Variants in TJP2 observed in about 807,000 individuals in gnomAD.
TJP2 encodes the protein Friedreich ataxia region gene X104 (tight junction protein ZO-2).
In TJP2, 91 loss-of-function variants were observed where a neutral mutation model predicts 133.1. The observed-to-expected ratio is 0.68, with a 90% CI of 0.58 to 0.81. The LOEUF is 0.81. Among genes scored for constraint, TJP2 ranks in the 40% least tolerant of loss-of-function variants. The probability of loss-of-function intolerance (pLI) is 0.00; values close to 1 mark genes in which losing one functional copy is unlikely to be tolerated. For missense variants in TJP2, 1,541 were observed against 1,565.6 expected, an observed-to-expected ratio of 0.98 and a Z score of 0.26; for synonymous variants, 592 against 583.4, an observed-to-expected ratio of 1.01 and a Z score of -0.21.
In TJP2 at chr9:69,212,585, CTG is replaced by C; in HGVS notation, c.101_102del (p.Val34AspfsTer24). 6.2e-7 allele frequency: 1 copy of C among 1,613,046 alleles called. No homozygotes were observed. The highest frequency in any genetic ancestry group is 8.5e-7 in the Non-Finnish European group (1 of 1,179,104). ...GAAGAGCTGATATGGGAACAGTACA[CTG>C]TGACCCTACAAAAGGTGAGTTCTGC... On this transcript the variant is annotated frameshift_variant, in exon 2 of 23. Transcript: ENST00000377245. LOFTEE classifies it high-confidence loss of function.
At chr9:69,174,804 A>C (rs1288370670) in intron 1 of TJP2, among the ~76,000 whole-genome samples, 1 of 152,074 alleles carries the variant, frequency 6.6e-6, no homozygotes, top group Non-Finnish European at 1.5e-5. Flanking sequence ...CTCGGTATTG[A>C]TGCAAAGTTA....
chr9:69,162,703 T>C (rs995584719), intron 2 of TJP2, among the ~76,000 whole-genome samples: 1 of 152,220 alleles, frequency 6.6e-6, no homozygotes, highest in African/African-American at 2.4e-5. Flanking sequence ...ATTTGGTGTA[T>C]CCCAAGTGTA....
intron 2 of TJP2, among the ~76,000 whole-genome samples, chr9:69,215,581 T>C (rs974778040): frequency 1.3e-5 from 2 of 152,154 alleles, no homozygotes; most frequent in Non-Finnish European, 2.9e-5. Flanking sequence ...AGACAGGGTT[T>C]TGCCATGTTG....
At chr9:69,245,011 G>T (rs1018560119) in intron 17 of TJP2, among the ~76,000 whole-genome samples, 1 of 152,114 alleles carries the variant, frequency 6.6e-6, no homozygotes, top group Non-Finnish European at 1.5e-5. Context: ...TATATATTTA[G>T]TGTAAATCAC....
At chr9:69,226,652 C>T (rs1408498858) in intron 7 of TJP2, among the ~76,000 whole-genome samples, 2 of 152,138 alleles carry the variant, frequency 1.3e-5, no homozygotes, top group African/African-American at 4.8e-5. Flanking sequence ...GCGCCTGCCA[C>T]CACACCTGGC....
intron 12 of TJP2, among the ~76,000 whole-genome samples, chr9:69,235,593 A>G (rs527773216): frequency 3.8e-4 from 58 of 152,178 alleles, no homozygotes; most frequent in African/African-American, 1.2e-3. Context: ...AAGTGCTGGG[A>G]TTATAGGCAT....
chr9:69,134,708 G>A (rs552603096), intron 1 of TJP2, among the ~76,000 whole-genome samples: 3 of 152,326 alleles, frequency 2.0e-5, no homozygotes, highest in Non-Finnish European at 2.9e-5. Context: ...CTGGGCCTAC[G>A]ACCTGTGTCT....
upstream of TJP2, among the ~76,000 whole-genome samples, chr9:69,173,656 G>T (rs1051897469): frequency 6.6e-6 from 1 of 152,216 alleles, no homozygotes; most frequent in Non-Finnish European, 1.5e-5. Context: ...GTACAAGGCC[G>T]TGTATGTGTT....
chr9:69,225,374 T>C lies in TJP2; in HGVS notation c.1023T>C (p.Asp341=). The change falls in exon 6 of 23, where the codon GAT becomes GAC. Residue 341 remains aspartate (D), a synonymous_variant. Transcript: ENST00000377245. ...EMTRTGLATK[D]GNLHEGDIIL... is the part of the protein sequence containing the mutation. ...CCCGAACGGGTCTGGCAACTAAAGA[T>C]GGCAACCTTCACGAAGGAGACATAA... 1.2e-6 allele frequency: 2 copies of C among 1,613,890 alleles called. No homozygotes were observed. Among genetic ancestry groups the C allele is most frequent in the South Asian group, 2.2e-5 (2 of 91,042 alleles).
chr9:69,235,001 G>A (rs375546918), intron 12 of TJP2, among the ~76,000 whole-genome samples: 34 of 152,186 alleles, frequency 2.2e-4, no homozygotes, highest in African/African-American at 6.5e-4. Context: ...ATTGGCAACT[G>A]TGTTAATGTT....
At chr9:69,195,632 C>T (rs969736300) in intron 1 of TJP2, among the ~76,000 whole-genome samples, 15 of 152,138 alleles carry the variant, frequency 9.9e-5, no homozygotes, top group Non-Finnish European at 1.5e-4. Flanking sequence ...ATACTTAGCA[C>T]GGTGTCTGGC....
chr9:69,135,192 C>T (rs749028376), intron 1 of TJP2, among the ~76,000 whole-genome samples: 13 of 152,086 alleles, frequency 8.5e-5, no homozygotes, highest in East Asian at 1.9e-4. Flanking sequence ...AGGCCAATAA[C>T]GATTTGCTGA....
intron 1 of TJP2, among the ~76,000 whole-genome samples, chr9:69,123,050 C>A (rs957346170): frequency 6.6e-6 from 1 of 152,174 alleles, no homozygotes; most frequent in African/African-American, 2.4e-5. Flanking sequence ...CCACCCAGAT[C>A]TGCTGAATCA....
rs139402211 is a variant in TJP2 at position 69,221,248 on chromosome 9, G to T, written c.704G>T (p.Arg235Leu). ...CACGACTTTGGGCCATCCCGGGACC[G>T]GGACCGTGACCGCAGCCGCGGCCGG... is the stretch of plus-strand genomic sequence containing the variant. ...LDHDFGPSRD[R>L]DRDRSRGRSI... The change falls in exon 5 of 23, where the codon CGG becomes CTG. Residue 235 changes from arginine (R) to leucine (L), a missense_variant. Physicochemically the swap from Arg to Leu is moderately radical, Grantham distance 102. Coordinates refer to ENST00000377245, the MANE Select transcript of TJP2 (RefSeq NM_004817.4). 1.2e-5 allele frequency: 20 copies of T among 1,607,836 alleles called. No homozygotes were observed. The highest frequency in any genetic ancestry group is 1.7e-5 in the Non-Finnish European group (20 of 1,177,640).
At chr9:69,151,824 T>G in intron 2 of TJP2, 1 of 1,231,732 alleles carries the variant, frequency 8.1e-7, no homozygotes, top group African/African-American at 1.6e-5. Context: ...CCCCCAAAAT[T>G]TGTTCGAATA....
At chr9:69,228,583 T>C (rs1349750665) in intron 9 of TJP2, among the ~76,000 whole-genome samples, 1 of 152,204 alleles carries the variant, frequency 6.6e-6, no homozygotes. Context: ...TGTGTATATA[T>C]GTATACAGAT....
At position 69,221,346 on chromosome 9, in the gene TJP2, G is replaced by T. The variant is rs756641353; in HGVS notation, c.802G>T (p.Glu268Ter). 2 of 1,588,690 alleles carry T rather than the reference G, an allele frequency of 1.3e-6. No individual in the cohort carries two copies. The highest frequency in any genetic ancestry group is 2.3e-5 in the South Asian group (2 of 88,146). ...DPDYERAYSP[E>*]YRRGARHDAR... ...AGACTACGAGCGGGCCTACAGCCCG[G>T]AGTACAGGCGCGGGGCCCGCCACGA... is the stretch of plus-strand genomic sequence containing the variant. The change falls in exon 5 of 23, where the codon GAG becomes TAG. Residue 268 changes from glutamate (E) to a stop codon, truncating the protein, a stop_gained. Transcript: ENST00000377245. LOFTEE classifies it high-confidence loss of function.
intron 1 of TJP2, among the ~76,000 whole-genome samples, chr9:69,185,352 G>A (rs759396880): frequency 4.6e-5 from 7 of 152,162 alleles, no homozygotes; most frequent in East Asian, 3.9e-4. Flanking sequence ...GTGAGCCACC[G>A]TGTCCGACCC....
chr9:69,155,486 C>A (rs1823709131), intron 2 of TJP2, among the ~76,000 whole-genome samples: 1 of 152,236 alleles, frequency 6.6e-6, no homozygotes. Context: ...TGGGCCCCAC[C>A]CCCAGGGTTT....
Sources: gnomAD v4.1 joint callset for allele counts (sites outside exome capture counted in the v4.1 genomes callset) on GRCh38, gnomAD v4.1.1 for gene constraint, MANE v1.5 for transcripts, NCBI Gene and HGNC (gene_info 2026-07-23, HGNC 2026-07-21) for gene names.